METAP1D: variants seen among roughly 807,000 people sequenced by gnomAD.
METAP1D encodes methionine aminopeptidase 1D, mitochondrial.
A neutral mutation model predicts 40.5 loss-of-function variants in METAP1D; 31 were observed. The ratio of observed to expected loss-of-function variants is 0.77; its 90% CI spans 0.58 to 1.03. The LOEUF (loss-of-function observed/expected upper bound fraction) is 1.03. Among genes scored for constraint, METAP1D ranks in the 50% least tolerant of loss-of-function variants. The pLI, the probability that METAP1D is intolerant of heterozygous loss-of-function variation, is 0.00. For missense variants in METAP1D, 411 were observed against 420.7 expected (o/e 0.98, Z 0.20); for synonymous variants, 151 against 146.4 (o/e 1.03, Z -0.22).
chr2:172,070,778 G>T, intron 5 of METAP1D, 129 bp from the exon 6 acceptor site: 3 of 693,636 alleles, frequency 4.3e-6, no homozygotes, highest in South Asian at 3.6e-5. Context: ...TTCTTTTTTT[G>T]ATAGGCAAAT....
At chr2:172,074,908 G>A (rs1263762012) in intron 6 of METAP1D, among the ~76,000 whole-genome samples, 1 of 152,102 alleles carries the variant, frequency 6.6e-6, no homozygotes. Flanking sequence ...CTTTATAACA[G>A]CATGTACGTA....
intron 1 of METAP1D, among the ~76,000 whole-genome samples, chr2:172,006,299 T>G (rs1688582101): frequency 6.6e-6 from 1 of 151,958 alleles, no homozygotes; most frequent in African/African-American, 2.4e-5. Flanking sequence ...TTCTCCTGCC[T>G]CAGCCTCCCA....
chr2:172,016,250 T>A (rs1688851104), intron 1 of METAP1D, among the ~76,000 whole-genome samples: 1 of 111,184 alleles, frequency 9.0e-6, no homozygotes, highest in African/African-American at 3.6e-5. Flanking sequence ...CACTCCAGCC[T>A]GGGTGACAGA....
rs570247637 is a variant in METAP1D at position 172,064,597 on chromosome 2, G to A, written c.348+737G>A. Among the ~76,000 whole-genome samples the A allele has an allele frequency of 1.1e-4, 17 of 148,594 alleles. No individual in the cohort carries two copies. The South Asian group carries it at 3.6e-3, about 32-fold the overall frequency. On this transcript the variant is annotated intron_variant, in intron 3 of 9. Transcript: ENST00000315796. ...ATCATGCTACTGTACTCCAGTCTGG[G>A]CAACAGAGTGAGACTCCATCTCAAA...
chr2:172,030,432 A>G (rs1277229758), intron 1 of METAP1D, among the ~76,000 whole-genome samples: 3 of 152,156 alleles, frequency 2.0e-5, no homozygotes, highest in African/African-American at 7.2e-5. Context: ...AGAGGTGGAA[A>G]TGAACTAAAG....
intron 6 of METAP1D, among the ~76,000 whole-genome samples, chr2:172,075,156 G>C (rs1690512733): frequency 6.6e-6 from 1 of 152,120 alleles, no homozygotes. Flanking sequence ...AGGAAAGTAA[G>C]TTCATAAACA....
Position 172,081,585 on chromosome 2 carries a change from C to T in METAP1D, c.*1179C>T, listed in dbSNP as rs188898162. The T allele has an allele frequency of 6.6e-6, 1 of 152,266 alleles. No homozygotes were observed. The highest frequency in any genetic ancestry group is 1.5e-5 in the Non-Finnish European group (1 of 68,086). 9.4% of individuals were successfully genotyped at this position (152,266 alleles called of 1,614,324 possible). On this transcript the variant is annotated 3_prime_UTR_variant, in exon 10 of 10. Coordinates refer to ENST00000315796, the MANE Select transcript of METAP1D (RefSeq NM_199227.3). ...TTGCGCTTGCTCTCCGGTACCTGTT[C>T]CTCACCTGAGCTCAAGGGCAGGGAG...
intron 1 of METAP1D, among the ~76,000 whole-genome samples, chr2:172,055,560 T>G (rs1461893253): frequency 2.0e-5 from 3 of 152,196 alleles, no homozygotes; most frequent in Non-Finnish European, 4.4e-5. Context: ...ACCATTATCT[T>G]CTAAAGGTAC....
chr2:172,051,378 T>G (rs973528491), intron 1 of METAP1D, among the ~76,000 whole-genome samples: 1 of 152,210 alleles, frequency 6.6e-6, no homozygotes, highest in Admixed American at 6.6e-5. Flanking sequence ...GGGGAATGCT[T>G]CTTGTTTTAA....
chr2:172,019,037 T>C (rs1276145565), intron 1 of METAP1D, among the ~76,000 whole-genome samples: 1 of 152,054 alleles, frequency 6.6e-6, no homozygotes, highest in African/African-American at 2.4e-5. Flanking sequence ...GCCTCTAATA[T>C]AAAAGACAAA....
chr2:172,016,621 C>T (rs1296733253), intron 1 of METAP1D, among the ~76,000 whole-genome samples: 1 of 151,192 alleles, frequency 6.6e-6, no homozygotes, highest in Non-Finnish European at 1.5e-5. Context: ...ACCTTGCCCC[C>T]ACCCCCCCAA....
At chr2:172,009,278 C>T (rs558971964) in intron 1 of METAP1D, among the ~76,000 whole-genome samples, 2 of 152,150 alleles carry the variant, frequency 1.3e-5, no homozygotes, top group East Asian at 3.9e-4. Context: ...TTCCTGACCT[C>T]GTGGTCCGCC....
chr2:172,033,416 C>T (rs996980946), intron 1 of METAP1D, among the ~76,000 whole-genome samples: 13 of 150,926 alleles, frequency 8.6e-5, no homozygotes, highest in East Asian at 2.0e-4. Flanking sequence ...TGCAGTGGTG[C>T]GATCTTGGCT....
At chr2:172,036,639 A>G (rs934594845) in intron 1 of METAP1D, among the ~76,000 whole-genome samples, 8 of 152,004 alleles carry the variant, frequency 5.3e-5, no homozygotes, top group Admixed American at 1.3e-4. Context: ...TACCGAGATT[A>G]CAGGCGTGAG....
chr2:172,079,396 T>C, intron 8 of METAP1D, 134 bp downstream of exon 8: 1 of 788,836 alleles, frequency 1.3e-6, no homozygotes, highest in Non-Finnish European at 2.1e-6. Flanking sequence ...GCACTGGAAA[T>C]CTGATTAAAT....
chr2:172,065,982 T>C (rs148116128), intron 4 of METAP1D, among the ~76,000 whole-genome samples: 2,796 of 152,376 alleles, frequency 0.018, 59 homozygotes, highest in Admixed American at 0.069. Context: ...GTGCATTACG[T>C]ATGTCTTTTA....
At chr2:172,028,170 T>C (rs1043865076) in intron 1 of METAP1D, among the ~76,000 whole-genome samples, 1 of 139,074 alleles carries the variant, frequency 7.2e-6, no homozygotes, top group Admixed American at 7.1e-5. Flanking sequence ...GGGGGACCAC[T>C]TTAGAGAGAG....
chr2:172,042,240 T>C (rs537025833), intron 1 of METAP1D, among the ~76,000 whole-genome samples: 9 of 31,838 alleles, frequency 2.8e-4, no homozygotes, highest in South Asian at 1.5e-3. Context: ...TATACATATG[T>C]ATGTGTACAT....
intron 1 of METAP1D, among the ~76,000 whole-genome samples, chr2:172,040,255 C>A (rs1965159): frequency 2.0e-5 from 3 of 152,022 alleles, no homozygotes; most frequent in African/African-American, 7.2e-5. Context: ...TGCGCCCGGC[C>A]GAAAACTTTT....
Sources: gnomAD v4.1 joint callset for allele counts (sites outside exome capture counted in the v4.1 genomes callset) on GRCh38, gnomAD v4.1.1 for gene constraint, MANE v1.5 for transcripts, NCBI Gene and HGNC (gene_info 2026-07-23, HGNC 2026-07-21) for gene names.